SLIT1: variants seen among roughly 807,000 people sequenced by gnomAD.
SLIT1 encodes the protein slit guidance ligand 1.
SLIT1 carries 66 observed loss-of-function variants against 186.1 expected under a neutral mutation model. That is an observed-to-expected ratio of 0.35 (90% CI 0.29 to 0.44). The LOEUF is 0.44. Ranked by LOEUF, SLIT1 falls within the 20% of genes least tolerant of loss-of-function variation. SLIT1 has a pLI of 1.00. For missense variants in SLIT1, 1,638 were observed against 2,037.4 expected (o/e 0.80, Z 3.77); for synonymous variants, 761 against 833.8 (o/e 0.91, Z 1.50).
chr10:97,137,953 G>C (rs1404457786), intron 4 of SLIT1, among the ~76,000 whole-genome samples: 2 of 152,194 alleles, frequency 1.3e-5, no homozygotes, highest in African/African-American at 4.8e-5. Context: ...CAACTTGCCA[G>C]GTCCCCGAGC....
rs1450884472 is a variant in SLIT1 at position 96,998,073 on chromosome 10, A to AACAG, written c.*3035_*3038dup. On this transcript the variant is annotated 3_prime_UTR_variant, in exon 37 of 37. Coordinates refer to ENST00000266058, the MANE Select transcript of SLIT1 (RefSeq NM_003061.3). Reference sequence around the variant, plus strand: ...TCAATGTCATGTTCACATGGAAGACAACAGACAATATCGACATAGTCTAAA... The same window carrying AACAG: ...TCAATGTCATGTTCACATGGAAGACAACAGACAGACAATATCGACATAGTCTAAA... 2 of 152,252 alleles carry AACAG rather than the reference A, an allele frequency of 1.3e-5. No homozygotes were observed. The highest frequency in any genetic ancestry group is 4.8e-5 in the African/African-American group (2 of 41,454). 9.4% of individuals were successfully genotyped at this position (152,252 alleles called of 1,614,324 possible).
At chr10:97,135,176 G>T (rs1849690798) in intron 4 of SLIT1, among the ~76,000 whole-genome samples, 1 of 152,232 alleles carries the variant, frequency 6.6e-6, no homozygotes. Flanking sequence ...TCACGAACGG[G>T]ACCCAGCAGG....
chr10:97,092,860 T>C (rs112735810), intron 4 of SLIT1, among the ~76,000 whole-genome samples: 41 of 152,354 alleles, frequency 2.7e-4, no homozygotes, highest in African/African-American at 7.9e-4. Context: ...CCAGGCTCCG[T>C]GCTAAGTGAT....
At chr10:97,136,799 T>C (rs1242160245) in intron 4 of SLIT1, among the ~76,000 whole-genome samples, 1 of 152,252 alleles carries the variant, frequency 6.6e-6, no homozygotes, top group Non-Finnish European at 1.5e-5. Context: ...TGATGAGACA[T>C]GCCTGGGGGC....
intron 17 of SLIT1, 81 bp downstream of exon 17, chr10:97,046,910 A>G: frequency 6.4e-7 from 1 of 1,555,906 alleles, no homozygotes; most frequent in Non-Finnish European, 8.8e-7. Context: ...CCGCCGTGGG[A>G]GCTGCCCCCA....
intron 4 of SLIT1, among the ~76,000 whole-genome samples, chr10:97,087,686 T>C (rs1357946641): frequency 6.6e-6 from 1 of 152,090 alleles, no homozygotes; most frequent in East Asian, 1.9e-4. Flanking sequence ...CTGTCCTGAG[T>C]ATCTAGGGGG....
At chr10:97,163,533 G>T in intron 2 of SLIT1, 82 bp from the exon 3 acceptor site, 2 of 1,163,434 alleles carry the variant, frequency 1.7e-6, no homozygotes, top group Non-Finnish European at 2.6e-6. Flanking sequence ...GCGGGGCAGA[G>T]GCAACCTCTG....
intron 4 of SLIT1, among the ~76,000 whole-genome samples, chr10:97,079,599 ATT>A (rs1849083254): frequency 6.6e-6 from 1 of 152,198 alleles, no homozygotes; most frequent in Non-Finnish European, 1.5e-5. Flanking sequence ...CAGGCTCACA[ATT>A]TTAAGCAGTG....
intron 22 of SLIT1, among the ~76,000 whole-genome samples, chr10:97,035,549 TCC>T (rs1848631799): frequency 6.6e-6 from 1 of 152,114 alleles, no homozygotes; most frequent in South Asian, 2.1e-4. Context: ...TGAGCCAGCG[TCC>T]TCTCTCTCTG....
chr10:97,072,986 A>G (rs971983787), intron 4 of SLIT1, among the ~76,000 whole-genome samples: 3 of 152,248 alleles, frequency 2.0e-5, no homozygotes, highest in Admixed American at 2.0e-4. Flanking sequence ...TGCCCGAAGC[A>G]CAGCCTAAGC....
intron 15 of SLIT1, 67 bp downstream of exon 15, chr10:97,047,906 C>G: frequency 6.2e-7 from 1 of 1,612,288 alleles, no homozygotes; most frequent in South Asian, 1.1e-5. Flanking sequence ...TCAACCAAGG[C>G]CCCCAGCCTG....
chr10:97,074,915 C>T (rs1849032158), intron 4 of SLIT1, among the ~76,000 whole-genome samples: 1 of 152,236 alleles, frequency 6.6e-6, no homozygotes, highest in Admixed American at 6.5e-5. Flanking sequence ...TGCCTTCACG[C>T]TCTAACCTGA....
chr10:97,172,678 G>T (rs919642155), intron 1 of SLIT1, among the ~76,000 whole-genome samples: 2 of 152,176 alleles, frequency 1.3e-5, no homozygotes, highest in African/African-American at 4.8e-5. Flanking sequence ...TGCTTTGGGA[G>T]GCCAAGTGGG....
At chr10:97,181,602 T>G (rs552597982) in intron 1 of SLIT1, among the ~76,000 whole-genome samples, 16 of 152,174 alleles carry the variant, frequency 1.1e-4, no homozygotes, top group African/African-American at 3.9e-4. Flanking sequence ...CCCAGCACTT[T>G]GGGAGACTGA....
At chr10:97,074,132 G>A (rs567795693) in intron 4 of SLIT1, among the ~76,000 whole-genome samples, 1 of 152,270 alleles carries the variant, frequency 6.6e-6, no homozygotes, top group Admixed American at 6.5e-5. Flanking sequence ...CACCGAATGT[G>A]ATGAAGTACT....
intron 8 of SLIT1, 82 bp from the exon 9 acceptor site, chr10:97,060,869 T>A: frequency 1.4e-6 from 2 of 1,419,404 alleles, no homozygotes; most frequent in Non-Finnish European, 1.9e-6. Flanking sequence ...ATGGATGGGA[T>A]AGGGTGTACA....
At chr10:97,011,343 C>T (rs1419449465) in intron 30 of SLIT1, among the ~76,000 whole-genome samples, 6 of 152,114 alleles carry the variant, frequency 3.9e-5, no homozygotes, top group Admixed American at 2.0e-4. Flanking sequence ...TAGAAGAGAG[C>T]TCATGTGGAC....
intron 12 of SLIT1, among the ~76,000 whole-genome samples, chr10:97,056,763 G>T (rs111894173): frequency 4.7e-5 from 3 of 64,312 alleles, no homozygotes; most frequent in Admixed American, 3.9e-4. Flanking sequence ...GGCATTTTTG[G>T]GGGGGGCTCC....
In SLIT1 at chr10:97,056,329, G is replaced by T. The variant is rs768286112; in HGVS notation, c.1293C>A (p.Ile431=). 5.6e-6 allele frequency: 9 copies of T among 1,614,154 alleles called. No homozygotes were observed. Among genetic ancestry groups the T allele is most frequent in the South Asian group, 1.1e-5 (1 of 91,074 alleles). ...AKGTFTSLRA[I]QTLHLAQNPF... ...GGCATCAGGGCACTCACAGAGTCTG[G>T]ATGGCCCGCAGGGAGGTGAAAGTGC... is the stretch of plus-strand genomic sequence containing the variant. Residue 431 remains isoleucine, a synonymous_variant, in exon 13 of 37, where the codon ATC becomes ATA. Transcript: ENST00000266058.
Sources: gnomAD v4.1 joint callset for allele counts (sites outside exome capture counted in the v4.1 genomes callset) on GRCh38, gnomAD v4.1.1 for gene constraint, MANE v1.5 for transcripts, NCBI Gene and HGNC (gene_info 2026-07-23, HGNC 2026-07-21) for gene names.